LRRC4C: variants seen among roughly 807,000 people sequenced by gnomAD.
LRRC4C encodes the protein leucine-rich repeat-containing protein 4C.
A neutral mutation model predicts 33.6 loss-of-function variants in LRRC4C; 5 were observed. The ratio of observed to expected loss-of-function variants is 0.15; its 90% CI spans 0.08 to 0.31. The LOEUF (loss-of-function observed/expected upper bound fraction) is 0.31. Ranked by LOEUF, LRRC4C falls within the 10% of genes least tolerant of loss-of-function variation. The pLI is 1.00. For synonymous variants in LRRC4C, 329 were observed against 302.0 expected (o/e 1.09, Z -0.93); for missense variants, 560 against 796.7 (o/e 0.70, Z 3.58).
intron 1 of LRRC4C, among the ~76,000 whole-genome samples, chr11:41,254,076 A>G (rs367725500): frequency 3.9e-5 from 6 of 152,204 alleles, no homozygotes; most frequent in East Asian, 3.9e-4. Flanking sequence ...GATATTCACC[A>G]GTGTCCACTC....
At chr11:41,451,545 CA>C (rs1956026221) in intron 1 of LRRC4C, among the ~76,000 whole-genome samples, 1 of 151,952 alleles carries the variant, frequency 6.6e-6, no homozygotes, top group Non-Finnish European at 1.5e-5. Context: ...TGAAGCAGCA[CA>C]AACACATCCA....
Position 41,138,458 on chromosome 11 carries a change from G to A in LRRC4C, c.-495-204735C>T, listed in dbSNP as rs1943360388. On this transcript the variant is annotated intron_variant, in intron 1 of 6. Coordinates refer to ENST00000528697, the MANE Select transcript of LRRC4C (RefSeq NM_001258419.2). The stretch of plus-strand genomic sequence containing the variant: ...TCAATGACACCATTGACACTCCCTG[G>A]AGAAGGACATTTTGATAGGAGGGTG... 1.3e-5 allele frequency among the ~76,000 whole-genome samples: 2 copies of A among 152,146 alleles called. 1 individual carries two copies. Among genetic ancestry groups the A allele is most frequent in the South Asian group, 4.1e-4 (2 of 4,824 alleles).
chr11:41,258,347 G>A (rs537444432), intron 1 of LRRC4C, among the ~76,000 whole-genome samples: 1 of 152,058 alleles, frequency 6.6e-6, no homozygotes, highest in East Asian at 1.9e-4. Flanking sequence ...GCCTTCACGA[G>A]TTCTCTAAGA....
At chr11:41,020,557 T>A (rs980341725) in intron 1 of LRRC4C, among the ~76,000 whole-genome samples, 4 of 151,920 alleles carry the variant, frequency 2.6e-5, no homozygotes, top group Non-Finnish European at 5.9e-5. Flanking sequence ...GAGATTGAGG[T>A]CATGCAGCTG....
chr11:41,164,377 CT>C (rs1944625389), intron 1 of LRRC4C, among the ~76,000 whole-genome samples: 1 of 152,036 alleles, frequency 6.6e-6, no homozygotes, highest in African/African-American at 2.4e-5. Context: ...ACAATGTCTT[CT>C]CTTCAGTACC....
intron 1 of LRRC4C, among the ~76,000 whole-genome samples, chr11:40,995,674 A>C (rs2093146152): frequency 6.6e-6 from 1 of 152,116 alleles, no homozygotes; most frequent in Admixed American, 6.6e-5. Flanking sequence ...AGGGAGTATC[A>C]TATGTTGCTT....
intron 3 of LRRC4C, among the ~76,000 whole-genome samples, chr11:40,542,543 A>G (rs528504324): frequency 4.6e-5 from 7 of 152,124 alleles, no homozygotes; most frequent in African/African-American, 1.7e-4. Flanking sequence ...CTCTGTTTCC[A>G]ACAGAGATAA....
intron 1 of LRRC4C, among the ~76,000 whole-genome samples, chr11:41,323,466 A>G (rs1951017635): frequency 6.6e-6 from 1 of 152,226 alleles, no homozygotes; most frequent in East Asian, 1.9e-4. Flanking sequence ...GCCTTACCAC[A>G]TATGCCATAT....
rs1459377409 is a variant in LRRC4C, at chr11:40,870,284, A to C, written c.-407+63351T>G. ...TCTCATTATAACTTATCAATGTTTC[A>C]CTGTGAGTGGGGGGTTGCTGTGCTC... On this transcript the variant is annotated intron_variant, in intron 2 of 6. Transcript: ENST00000528697. Among the ~76,000 whole-genome samples the C allele has an allele frequency of 1.9e-4, 29 of 152,160 alleles. 1 individual carries two copies. Among genetic ancestry groups the C allele is most frequent in the Non-Finnish European group, 5.9e-5 (4 of 68,014 alleles).
intron 1 of LRRC4C, among the ~76,000 whole-genome samples, chr11:40,970,450 C>T (rs180820391): frequency 6.1e-4 from 93 of 152,274 alleles, no homozygotes; most frequent in Non-Finnish European, 1.1e-3. Flanking sequence ...CCAGAAGCCA[C>T]TATGCTTCCC....
intron 2 of LRRC4C, among the ~76,000 whole-genome samples, chr11:40,663,559 G>A (rs1056982733): frequency 2.6e-5 from 4 of 152,098 alleles, no homozygotes; most frequent in African/African-American, 9.7e-5. Flanking sequence ...CAAATACACA[G>A]GTCTGAAAAA....
At chr11:41,354,583 C>G (rs945782935) in intron 1 of LRRC4C, among the ~76,000 whole-genome samples, 1 of 151,806 alleles carries the variant, frequency 6.6e-6, no homozygotes, top group Non-Finnish European at 1.5e-5. Context: ...TAATCCTAAG[C>G]AAAAAGAACA....
intron 4 of LRRC4C, among the ~76,000 whole-genome samples, chr11:40,313,000 C>A (rs1477086565): frequency 6.6e-6 from 1 of 151,978 alleles, no homozygotes; most frequent in Non-Finnish European, 1.5e-5. Context: ...TCACTGAGAC[C>A]CAAATGTCTA....
chr11:40,153,567 T>C (rs1858404370), intron 5 of LRRC4C, among the ~76,000 whole-genome samples: 1 of 136,984 alleles, frequency 7.3e-6, no homozygotes, highest in South Asian at 2.5e-4. Flanking sequence ...GGGAGAAATA[T>C]TCAATGAAAT....
chr11:40,504,391 A>G (rs1954930524), intron 3 of LRRC4C, among the ~76,000 whole-genome samples: 1 of 152,106 alleles, frequency 6.6e-6, no homozygotes, highest in Non-Finnish European at 1.5e-5. Flanking sequence ...TGATGGACAG[A>G]CGGTCATAAT....
intron 3 of LRRC4C, among the ~76,000 whole-genome samples, chr11:40,600,657 T>A (rs1270782080): frequency 1.3e-5 from 2 of 152,186 alleles, no homozygotes; most frequent in African/African-American, 4.8e-5. Context: ...CTTCCAGATA[T>A]TTCAAACTTC....
At chr11:40,879,802 G>A (rs1439847689) in intron 2 of LRRC4C, among the ~76,000 whole-genome samples, 1 of 152,168 alleles carries the variant, frequency 6.6e-6, no homozygotes, top group African/African-American at 2.4e-5. Context: ...GATACATTAT[G>A]TGAAAAGGCT....
intron 2 of LRRC4C, among the ~76,000 whole-genome samples, chr11:40,900,113 T>C (rs1472739357): frequency 1.3e-5 from 2 of 152,166 alleles, no homozygotes; most frequent in African/African-American, 2.4e-5. Flanking sequence ...GGCATTCTTA[T>C]ACTAATTAGA....
intron 1 of LRRC4C, among the ~76,000 whole-genome samples, chr11:41,012,337 G>A (rs1011832085): frequency 1.6e-4 from 24 of 152,014 alleles, no homozygotes; most frequent in South Asian, 4.1e-4. Flanking sequence ...TGTTATATTT[G>A]TTATTCTGTG....
Sources: allele counts gnomAD v4.1 joint callset (sites outside exome capture counted in the v4.1 genomes callset), GRCh38; gene constraint gnomAD v4.1.1; transcripts MANE v1.5; gene names NCBI Gene and HGNC (gene_info 2026-07-23, HGNC 2026-07-21).